MYO5B: variants seen among roughly 807,000 people sequenced by gnomAD.
The protein encoded by MYO5B is myosin VB, also known as unconventional myosin-Vb.
In MYO5B, 143 loss-of-function variants were observed where a neutral mutation model predicts 229.3. The ratio of observed to expected loss-of-function variants is 0.62; its 90% CI spans 0.54 to 0.72. MYO5B has a LOEUF of 0.72. Ranked by LOEUF, MYO5B falls within the 30% of genes least tolerant of loss-of-function variation. The pLI is 0.00. For synonymous variants in MYO5B, 918 were observed against 885.2 expected, an observed-to-expected ratio of 1.04 and a Z score of -0.66; for missense variants, 2,321 against 2,331.0, an observed-to-expected ratio of 1.00 and a Z score of 0.09.
intron 1 of MYO5B, among the ~76,000 whole-genome samples, chr18:50,165,783 A>AC (rs2032840642): frequency 7.1e-6 from 1 of 140,078 alleles, no homozygotes; most frequent in Non-Finnish European, 1.6e-5. Flanking sequence ...GTCTGAAAGA[A>AC]AAAAAGGAAG....
chr18:50,160,024 T>C lies in MYO5B; in HGVS notation c.27+34743A>G, dbSNP rs115441209. Among the ~76,000 whole-genome samples, 638 of 152,322 alleles carry C rather than the reference T, an allele frequency of 4.2e-3. 4 individuals carry two copies. The highest frequency in any genetic ancestry group is 0.014 in the African/African-American group (567 of 41,566). On this transcript the variant is annotated intron_variant, in intron 1 of 39. Coordinates refer to ENST00000285039, the MANE Select transcript of MYO5B (RefSeq NM_001080467.3). Reference sequence around the variant, plus strand: ...AAGTTGGACAGTACTCACGCAGACGTGATGGCATGGCCAGGGGTGCAAATG... The same window carrying C: ...AAGTTGGACAGTACTCACGCAGACGCGATGGCATGGCCAGGGGTGCAAATG...
intron 17 of MYO5B, among the ~76,000 whole-genome samples, chr18:49,914,817 C>T (rs547592683): frequency 1.1e-3 from 170 of 150,428 alleles, no homozygotes; most frequent in Middle Eastern, 0.01. Flanking sequence ...GAAAAAGAAA[C>T]GAGTGCTGTG....
At chr18:50,026,243 A>C (rs1290009625) in intron 4 of MYO5B, among the ~76,000 whole-genome samples, 1 of 152,134 alleles carries the variant, frequency 6.6e-6, no homozygotes, top group Non-Finnish European at 1.5e-5. Context: ...GGCTATATAC[A>C]ATCAAATAAT....
At chr18:49,962,914 A>G (rs371557443) in intron 11 of MYO5B, 35 bp downstream of exon 11, 76 of 1,576,864 alleles carry the variant, frequency 4.8e-5, no homozygotes, top group East Asian at 8.9e-5. Context: ...AGTCCCCCCA[A>G]TCCTGGTACC....
At chr18:50,041,513 T>C (rs533482184) in intron 2 of MYO5B, among the ~76,000 whole-genome samples, 9 of 152,142 alleles carry the variant, frequency 5.9e-5, no homozygotes, top group African/African-American at 1.9e-4. Flanking sequence ...TACAGAAAAA[T>C]TGTATGTTAT....
chr18:49,982,815 T>G (rs1448740775), intron 8 of MYO5B, among the ~76,000 whole-genome samples: 2 of 152,184 alleles, frequency 1.3e-5, no homozygotes, highest in Admixed American at 1.3e-4. Context: ...AAAAGGGACA[T>G]GTTTATTAAA....
chr18:50,069,457 T>C (rs923277294), intron 1 of MYO5B, among the ~76,000 whole-genome samples: 1 of 152,128 alleles, frequency 6.6e-6, no homozygotes, highest in African/African-American at 2.4e-5. Context: ...GTCTTCAGTA[T>C]TGTCCAGCCT....
intron 1 of MYO5B, among the ~76,000 whole-genome samples, chr18:50,067,553 C>T (rs917186782): frequency 2.6e-5 from 4 of 152,168 alleles, no homozygotes; most frequent in South Asian, 2.1e-4. Context: ...TGTTTGGTCA[C>T]GTGTGCAGAC....
intron 32 of MYO5B, among the ~76,000 whole-genome samples, chr18:49,849,110 C>T (rs1393033104): frequency 1.3e-5 from 2 of 152,024 alleles, no homozygotes; most frequent in Non-Finnish European, 2.9e-5. Context: ...AGAGAACATT[C>T]TAGGTCTTTC....
intron 2 of MYO5B, among the ~76,000 whole-genome samples, chr18:50,046,047 G>T (rs1353571355): frequency 6.6e-6 from 1 of 152,288 alleles, no homozygotes; most frequent in Non-Finnish European, 1.5e-5. Flanking sequence ...GGACAGAAGA[G>T]GAGAAAGAAT....
At chr18:50,006,576 T>TC (rs2026103566) in intron 4 of MYO5B, among the ~76,000 whole-genome samples, 2 of 151,980 alleles carry the variant, frequency 1.3e-5, no homozygotes, top group South Asian at 4.2e-4. Context: ...ACACACTACC[T>TC]CCCCAGTTCA....
intron 7 of MYO5B, among the ~76,000 whole-genome samples, chr18:49,988,744 T>C (rs1696971413): frequency 6.6e-6 from 1 of 152,168 alleles, no homozygotes; most frequent in Non-Finnish European, 1.5e-5. Flanking sequence ...CAGTGGCCCC[T>C]AATGTGGAGG....
At chr18:49,906,186 T>G (rs1011511481) in intron 19 of MYO5B, among the ~76,000 whole-genome samples, 3 of 151,950 alleles carry the variant, frequency 2.0e-5, no homozygotes, top group Non-Finnish European at 4.4e-5. Flanking sequence ...GCTGGTAGGA[T>G]GGAGGGAGCC....
intron 31 of MYO5B, among the ~76,000 whole-genome samples, chr18:49,851,770 G>T (rs566876806): frequency 6.3e-4 from 96 of 152,252 alleles, no homozygotes; most frequent in African/African-American, 2.2e-3. Context: ...TTGTGCTGTG[G>T]TTACTTGTGT....
intron 1 of MYO5B, among the ~76,000 whole-genome samples, chr18:50,113,421 A>G (rs1413943246): frequency 6.6e-6 from 1 of 152,214 alleles, no homozygotes; most frequent in African/African-American, 2.4e-5. Context: ...GCAGATAACT[A>G]CATTTCACAT....
intron 1 of MYO5B, among the ~76,000 whole-genome samples, chr18:50,174,781 G>A (rs991748818): frequency 2.0e-5 from 3 of 152,148 alleles, no homozygotes; most frequent in Admixed American, 1.3e-4. Flanking sequence ...AATGCCTTAT[G>A]TTTCTTTCAT....
intron 6 of MYO5B, among the ~76,000 whole-genome samples, chr18:49,991,384 C>T (rs1465547766): frequency 6.6e-6 from 1 of 152,112 alleles, no homozygotes; most frequent in Non-Finnish European, 1.5e-5. Flanking sequence ...AGGCAAGAAT[C>T]TGCCACAGAC....
At chr18:49,826,803 C>T (rs2023852588) in intron 39 of MYO5B, among the ~76,000 whole-genome samples, 180 bp from the exon 40 acceptor site, 1 of 152,120 alleles carries the variant, frequency 6.6e-6, no homozygotes, top group Admixed American at 6.5e-5. Context: ...GGAGAGAAGC[C>T]CTGACTTAGG....
intron 1 of MYO5B, among the ~76,000 whole-genome samples, chr18:50,189,642 G>A (rs1410943525): frequency 6.6e-6 from 1 of 152,188 alleles, no homozygotes; most frequent in Non-Finnish European, 1.5e-5. Context: ...AACAGCATCT[G>A]CTGACACTTT....
Sources: allele counts gnomAD v4.1 joint callset (sites outside exome capture counted in the v4.1 genomes callset), GRCh38; gene constraint gnomAD v4.1.1; transcripts MANE v1.5; gene names NCBI Gene and HGNC (gene_info 2026-07-23, HGNC 2026-07-21).